PTPRC: variants seen among roughly 807,000 people sequenced by gnomAD.
PTPRC encodes the protein receptor-type tyrosine-protein phosphatase C.
PTPRC carries 44 observed loss-of-function variants against 155.9 expected under a neutral mutation model. That is an observed-to-expected ratio of 0.28 (90% CI 0.22 to 0.36). The LOEUF (loss-of-function observed/expected upper bound fraction) is 0.36. Ranked by LOEUF, PTPRC falls within the 10% of genes least tolerant of loss-of-function variation. PTPRC has a pLI of 1.00. For missense variants in PTPRC, 1,401 were observed against 1,564.6 expected (o/e 0.90, Z 1.76); for synonymous variants, 525 against 533.1 (o/e 0.98, Z 0.21).
At position 198,699,605 on chromosome 1, in the gene PTPRC, G is replaced by A; in HGVS notation, c.340G>A (p.Asp114Asn). ...VQTPHLPTHADSQTPSAGTDT... is the reference protein window; with the variant it reads ...VQTPHLPTHANSQTPSAGTDT... ...GACGCCTCACCTTCCCACGCACGCA[G>A]ACTCGCAGACGCCCTCTGCTGGAAC... Residue 114 changes from aspartate to asparagine, a missense_variant, in exon 5 of 33, where the codon GAC becomes AAC. Around this residue, in one of 3 missense-constraint regions of PTPRC, gnomAD observed 867 missense variants for 970.4 expected, o/e 0.89. Coordinates refer to ENST00000442510, the MANE Select transcript of PTPRC (RefSeq NM_002838.5). 6.2e-7 allele frequency: 1 copy of A among 1,614,188 alleles called. No individual in the cohort carries two copies. The highest frequency in any genetic ancestry group is 8.5e-7 in the Non-Finnish European group (1 of 1,180,044).
At chr1:198,710,367 A>C (rs1287489532) in intron 11 of PTPRC, among the ~76,000 whole-genome samples, 1 of 152,214 alleles carries the variant, frequency 6.6e-6, no homozygotes, top group African/African-American at 2.4e-5. Flanking sequence ...GGAAACTGTA[A>C]GTTCCCCCAA....
chr1:198,702,618 C>T, intron 6 of PTPRC, 88 bp downstream of exon 6: 1 of 1,538,258 alleles, frequency 6.5e-7, no homozygotes, highest in Non-Finnish European at 9.0e-7. Context: ...TATTTTGTGC[C>T]AGATATTATT....
chr1:198,750,194 T>C (rs1229837282), intron 28 of PTPRC, among the ~76,000 whole-genome samples: 3 of 152,000 alleles, frequency 2.0e-5, no homozygotes, highest in Admixed American at 1.3e-4. Flanking sequence ...AATTCCTTTT[T>C]ACAATCACAT....
At position 198,713,053 on chromosome 1, in the gene PTPRC, C is replaced by T; in HGVS notation, c.1272C>T (p.Leu424=). The T allele has an allele frequency of 6.2e-7, 1 of 1,613,690 alleles. No homozygotes were observed. The highest frequency in any genetic ancestry group is 1.1e-5 in the South Asian group (1 of 91,070). The change falls in exon 12 of 33, where the codon CTC becomes CTT. Residue 424 remains leucine (L), a synonymous_variant. Transcript: ENST00000442510. The part of the protein sequence containing the change: ...PPQRSFHNFT[L]CYIKETEKDC... ...AAAGATCATTTCATAATTTTACCCT[C>T]TGTTATATAAAAGAGACAGGTAATT... is the stretch of plus-strand genomic sequence containing the variant.
chr1:198,666,309 A>G (rs1186944453), intron 2 of PTPRC, among the ~76,000 whole-genome samples: 1 of 152,044 alleles, frequency 6.6e-6, no homozygotes, highest in Admixed American at 6.6e-5. Context: ...GGGTTAAACA[A>G]TAGAATTAGA....
intron 14 of PTPRC, among the ~76,000 whole-genome samples, chr1:198,718,855 T>A (rs1220711966): frequency 6.6e-6 from 1 of 152,152 alleles, no homozygotes; most frequent in East Asian, 1.9e-4. Flanking sequence ...TACACAGTTT[T>A]CAAAATACAG....
At chr1:198,666,502 A>C (rs933876775) in intron 2 of PTPRC, among the ~76,000 whole-genome samples, 2 of 152,218 alleles carry the variant, frequency 1.3e-5, no homozygotes, top group Non-Finnish European at 2.9e-5. Flanking sequence ...TAACCATGTT[A>C]GATGCTATAG....
intron 28 of PTPRC, among the ~76,000 whole-genome samples, 156 bp downstream of exon 28, chr1:198,749,705 T>G (rs1371218528): frequency 1.3e-5 from 2 of 151,894 alleles, no homozygotes; most frequent in African/African-American, 4.8e-5. Flanking sequence ...ATGCTACAAT[T>G]TAACTTAATG....
In PTPRC at chr1:198,756,256, A is replaced by G. The variant is rs895878484; in HGVS notation, c.*75A>G. The G allele has an allele frequency of 1.9e-6, 3 of 1,558,916 alleles. No homozygotes were observed. The African/African-American group carries it at 4.1e-5, about 21-fold the overall frequency. On this transcript the variant is annotated 3_prime_UTR_variant, in exon 33 of 33. Coordinates refer to ENST00000442510, the MANE Select transcript of PTPRC (RefSeq NM_002838.5). ...TATTTTTGTAGAAGTAGGAAGTGAA[A>G]ATAGGTATACAGTGGATTAATTAAA...
intron 2 of PTPRC, among the ~76,000 whole-genome samples, chr1:198,642,250 T>C (rs1034123167): frequency 6.6e-6 from 1 of 152,062 alleles, no homozygotes; most frequent in Non-Finnish European, 1.5e-5. Context: ...TTAACCAGTA[T>C]AGAAATATAG....
At chr1:198,644,558 TA>T (rs1052145582) in intron 2 of PTPRC, among the ~76,000 whole-genome samples, 3 of 151,860 alleles carry the variant, frequency 2.0e-5, no homozygotes, top group African/African-American at 7.2e-5. Flanking sequence ...ATCAGTCTGT[TA>T]AAAGAGTCTA....
intron 2 of PTPRC, among the ~76,000 whole-genome samples, chr1:198,685,269 G>A (rs1443996195): frequency 2.0e-5 from 3 of 151,720 alleles, no homozygotes; most frequent in Admixed American, 6.6e-5. Context: ...CACTTTCCTC[G>A]TGTGTGCCTG....
chr1:198,752,667 A>G lies in PTPRC; in HGVS notation c.3404A>G (p.Lys1135Arg). 3 of 1,612,896 alleles carry G rather than the reference A, an allele frequency of 1.9e-6. No homozygotes were observed. The highest frequency in any genetic ancestry group is 8.5e-7 in the Non-Finnish European group (1 of 1,179,296). Residue 1135 changes from lysine to arginine, a missense_variant, in exon 31 of 33, where the codon AAG becomes AGG. Lys to Arg is a conservative substitution (Grantham distance 26). Transcript: ENST00000442510. The stretch of plus-strand genomic sequence containing the variant: ...GTGGAGCAGCTTCCTGCAGAACCCA[A>G]GGAATTAATCTCTATGATTCAGGTC... Reference protein sequence around the residue: ...WSVEQLPAEPKELISMIQVVK... With the variant: ...WSVEQLPAEPRELISMIQVVK...
chr1:198,696,974 C>A (rs534619560), intron 4 of PTPRC, 65 bp downstream of exon 4: 3 of 1,366,026 alleles, frequency 2.2e-6, no homozygotes, highest in East Asian at 4.6e-5. Flanking sequence ...CTACAGTTAT[C>A]AGTACAACTT....
chr1:198,695,944 G>A (rs942339667), intron 3 of PTPRC, among the ~76,000 whole-genome samples: 12 of 151,916 alleles, frequency 7.9e-5, no homozygotes, highest in African/African-American at 2.4e-4. Flanking sequence ...GGTGGATCAC[G>A]AGGTCAGGAG....
chr1:198,690,780 T>C (rs184455802), intron 2 of PTPRC, among the ~76,000 whole-genome samples: 23 of 152,186 alleles, frequency 1.5e-4, no homozygotes, highest in Admixed American at 1.4e-3. Flanking sequence ...CAACCTGAGT[T>C]TACAGTCATT....
intron 2 of PTPRC, among the ~76,000 whole-genome samples, chr1:198,669,091 G>A (rs572494750): frequency 1.8e-4 from 28 of 152,248 alleles, no homozygotes; most frequent in African/African-American, 6.7e-4. Flanking sequence ...TGACTTCTTC[G>A]CAAATAAAAT....
intron 28 of PTPRC, 117 bp from the exon 29 acceptor site, chr1:198,750,375 C>CTAT: frequency 9.5e-7 from 1 of 1,047,624 alleles, no homozygotes; most frequent in East Asian, 2.4e-5. Context: ...AAGAATATTA[C>CTAT]TATTTGTATG....
intron 16 of PTPRC, among the ~76,000 whole-genome samples, chr1:198,728,736 G>C (rs539508571): frequency 6.6e-6 from 1 of 152,248 alleles, no homozygotes; most frequent in South Asian, 2.1e-4. Flanking sequence ...TGGGTCAGAG[G>C]GATCTAGGAG....
Sources: gnomAD v4.1 joint callset for allele counts (sites outside exome capture counted in the v4.1 genomes callset) on GRCh38, gnomAD v4.1.1 for gene constraint, gnomAD v4.1.1 regional missense constraint, MANE v1.5 for transcripts, NCBI Gene and HGNC (gene_info 2026-07-23, HGNC 2026-07-21) for gene names.